The following AFF3 variants were observed in gnomAD, a reference collection of about 807,000 sequenced individuals.
The protein encoded by AFF3 is ALF transcription elongation factor 3.
AFF3 carries 32 observed loss-of-function variants against 129.7 expected under a neutral mutation model. The ratio of observed to expected loss-of-function variants is 0.25; its 90% CI spans 0.19 to 0.33. The LOEUF is 0.33. Ranked by LOEUF, AFF3 falls within the 10% of genes least tolerant of loss-of-function variation. The pLI is 1.00. For synonymous variants in AFF3, 644 were observed against 635.4 expected (o/e 1.01, Z -0.20); for missense variants, 1,373 against 1,592.0 (o/e 0.86, Z 2.34).
intron 7 of AFF3, among the ~76,000 whole-genome samples, chr2:99,972,616 G>C (rs1421137753): frequency 1.3e-5 from 2 of 152,168 alleles, no homozygotes; most frequent in Non-Finnish European, 2.9e-5. Context: ...AGGTGCCAAG[G>C]ATATAGCAAT....
At chr2:99,554,866 T>G in intron 22 of AFF3, 134 bp from the exon 23 acceptor site, 2 of 958,006 alleles carry the variant, frequency 2.1e-6, no homozygotes, top group Non-Finnish European at 3.2e-6. Context: ...TCAGAGAAAC[T>G]GGACCTGGGA....
chr2:100,025,823 T>TG (rs1256891173), intron 4 of AFF3, among the ~76,000 whole-genome samples: 1 of 152,044 alleles, frequency 6.6e-6, no homozygotes, highest in Non-Finnish European at 1.5e-5. Flanking sequence ...CAACAAGTGG[T>TG]GCTGGGATAA....
intron 4 of AFF3, among the ~76,000 whole-genome samples, chr2:100,058,222 G>A (rs995574978): frequency 1.3e-5 from 2 of 152,112 alleles, no homozygotes; most frequent in Non-Finnish European, 2.9e-5. Flanking sequence ...TGGAAATTGA[G>A]GCTCAGAGGA....
chr2:100,106,741 T>C, intron 2 of AFF3: 1 of 985,682 alleles, frequency 1.0e-6, no homozygotes, highest in African/African-American at 1.7e-5. Context: ...ACCACATCTG[T>C]TTATACAAAG....
intron 11 of AFF3, among the ~76,000 whole-genome samples, chr2:99,713,847 C>T (rs926477109): frequency 4.0e-5 from 6 of 151,716 alleles, no homozygotes; most frequent in Admixed American, 6.6e-5. Flanking sequence ...TACAGGCGCC[C>T]GCTACCATGC....
chr2:100,051,113 A>C (rs906910066), intron 4 of AFF3, among the ~76,000 whole-genome samples: 5 of 152,110 alleles, frequency 3.3e-5, no homozygotes, highest in Admixed American at 6.5e-5. Context: ...GGCAAAGCCC[A>C]TTTCTTCCAC....
intron 2 of AFF3, among the ~76,000 whole-genome samples, chr2:100,112,844 A>G (rs890092034): frequency 2.0e-5 from 3 of 152,052 alleles, no homozygotes; most frequent in Non-Finnish European, 4.4e-5. Flanking sequence ...AATGAGAGCA[A>G]CTCTTTCCAG....
At chr2:99,928,220 A>G (rs1696416770) in intron 7 of AFF3, among the ~76,000 whole-genome samples, 1 of 152,236 alleles carries the variant, frequency 6.6e-6, no homozygotes, top group South Asian at 2.1e-4. Flanking sequence ...TTCAGAGTCT[A>G]CATAGCTATT....
At chr2:99,907,363 G>A (rs1156260009) in intron 7 of AFF3, among the ~76,000 whole-genome samples, 3 of 152,010 alleles carry the variant, frequency 2.0e-5, no homozygotes, top group Non-Finnish European at 4.4e-5. Flanking sequence ...GTCATTCTAT[G>A]TGCAAGATTA....
At chr2:99,602,156 G>A (rs1196055750) in intron 13 of AFF3, among the ~76,000 whole-genome samples, 2 of 152,204 alleles carry the variant, frequency 1.3e-5, no homozygotes, top group Non-Finnish European at 2.9e-5. Context: ...TTCCAGAGAC[G>A]AAGGGACTGT....
At chr2:100,038,151 G>C (rs1685125810) in intron 4 of AFF3, among the ~76,000 whole-genome samples, 1 of 152,060 alleles carries the variant, frequency 6.6e-6, no homozygotes, top group Non-Finnish European at 1.5e-5. Context: ...CCCCTGCAAT[G>C]AAGTCTAAGA....
chr2:99,763,124 T>C (rs1039542102), intron 8 of AFF3, among the ~76,000 whole-genome samples: 1 of 152,224 alleles, frequency 6.6e-6, no homozygotes, highest in Non-Finnish European at 1.5e-5. Flanking sequence ...GGGAGACACA[T>C]ATTCCTCCCC....
intron 7 of AFF3, among the ~76,000 whole-genome samples, chr2:99,967,897 C>T (rs1188845295): frequency 2.6e-5 from 4 of 152,192 alleles, no homozygotes; most frequent in African/African-American, 9.7e-5. Flanking sequence ...CCCTGACTGC[C>T]GTCTTTTATA....
At chr2:100,024,627 T>A (rs34851723) in intron 4 of AFF3, among the ~76,000 whole-genome samples, 20,568 of 151,344 alleles carry the variant, frequency 0.14, 1,639 homozygotes, top group South Asian at 0.2. Flanking sequence ...TAATAATTAT[T>A]ATTATTATTA....
At chr2:99,724,113 C>CT (rs1442993891) in intron 11 of AFF3, among the ~76,000 whole-genome samples, 1 of 152,016 alleles carries the variant, frequency 6.6e-6, no homozygotes, top group Non-Finnish European at 1.5e-5. Context: ...GATCAGTATG[C>CT]TTGCCACTTA....
Position 99,593,184 on chromosome 2 carries a change from C to T in AFF3, c.2466+11G>A, listed in dbSNP as rs753436479. ...TCCACGCCCCCGCACCCCAGTCAGC[C>T]CCAGGCCTACCTTGCGTTTCCTCTT... is the stretch of plus-strand genomic sequence containing the variant. On this transcript the variant is annotated intron_variant, in intron 15 of 24. Coordinates refer to ENST00000672756, the MANE Select transcript of AFF3 (RefSeq NM_001386135.1). 2.0e-5 allele frequency: 32 copies of T among 1,561,412 alleles called. No homozygotes were observed. Among genetic ancestry groups the T allele is most frequent in the Non-Finnish European group, 2.8e-5 (32 of 1,152,000 alleles).
At chr2:100,017,449 T>C (rs1001282702) in intron 4 of AFF3, among the ~76,000 whole-genome samples, 1 of 152,198 alleles carries the variant, frequency 6.6e-6, no homozygotes, top group Non-Finnish European at 1.5e-5. Context: ...ATCTCTACTT[T>C]AGCTATGCTG....
intron 13 of AFF3, among the ~76,000 whole-genome samples, chr2:99,634,637 A>G (rs1331277515): frequency 6.6e-6 from 1 of 152,186 alleles, no homozygotes; most frequent in Non-Finnish European, 1.5e-5. Context: ...AGCTGGAATG[A>G]AGGGGAAAAG....
chr2:99,737,208 T>C (rs1277034947), intron 10 of AFF3, among the ~76,000 whole-genome samples: 2 of 152,190 alleles, frequency 1.3e-5, no homozygotes, highest in South Asian at 2.1e-4. Context: ...TCTTATTTTA[T>C]GCTATTGTTT....
Sources: gnomAD v4.1 joint callset for allele counts (sites outside exome capture counted in the v4.1 genomes callset) on GRCh38, gnomAD v4.1.1 for gene constraint, MANE v1.5 for transcripts, NCBI Gene and HGNC (gene_info 2026-07-23, HGNC 2026-07-21) for gene names.